Variants in ZFPM2 observed in about 807,000 individuals in gnomAD.
ZFPM2 encodes the protein zinc finger protein, FOG family member 2, also known as zinc finger protein ZFPM2.
ZFPM2 carries 20 observed loss-of-function variants against 98.6 expected under a neutral mutation model. That is an observed-to-expected ratio of 0.20 (90% CI 0.14 to 0.29). The LOEUF (loss-of-function observed/expected upper bound fraction) is 0.29, where lower values mean the gene tolerates loss of function less well. ZFPM2 is among the 10% of genes least tolerant of loss of function. ZFPM2 has a pLI of 1.00. For synonymous variants in ZFPM2, 518 were observed against 502.7 expected, an observed-to-expected ratio of 1.03 and a Z score of -0.41; for missense variants, 1,310 against 1,388.6, an observed-to-expected ratio of 0.94 and a Z score of 0.90.
intron 5 of ZFPM2, among the ~76,000 whole-genome samples, chr8:105,689,632 A>C (rs1414463262): frequency 6.6e-6 from 1 of 152,196 alleles, no homozygotes; most frequent in Non-Finnish European, 1.5e-5. Flanking sequence ...GACATGATTA[A>C]GTTGGTGGTG....
chr8:105,584,300 T>C (rs1053060422), intron 4 of ZFPM2, among the ~76,000 whole-genome samples: 7 of 152,128 alleles, frequency 4.6e-5, no homozygotes, highest in Admixed American at 1.3e-4. Flanking sequence ...TTCTAAAGTT[T>C]CTAAAATTAC....
chr8:105,789,603 A>G (rs1813535440), intron 6 of ZFPM2, among the ~76,000 whole-genome samples: 2 of 150,726 alleles, frequency 1.3e-5, no homozygotes, highest in Admixed American at 1.3e-4. Flanking sequence ...TATACCCAGT[A>G]ATGGGATGGC....
At chr8:105,502,208 AG>A (rs1188725691) in intron 3 of ZFPM2, among the ~76,000 whole-genome samples, 1 of 126,310 alleles carries the variant, frequency 7.9e-6, no homozygotes, top group African/African-American at 4.0e-5. Context: ...TTTGAGGATA[AG>A]TTTTTTTTAA....
intron 1 of ZFPM2, among the ~76,000 whole-genome samples, chr8:105,415,732 T>C (rs1811668224): frequency 6.6e-6 from 1 of 152,096 alleles, no homozygotes; most frequent in African/African-American, 2.4e-5. Context: ...TGAGATCTGA[T>C]CTTAAACCAT....
At chr8:105,621,669 C>CT (rs1208887709) in intron 4 of ZFPM2, among the ~76,000 whole-genome samples, 1 of 152,108 alleles carries the variant, frequency 6.6e-6, no homozygotes, top group African/African-American at 2.4e-5. Flanking sequence ...TATTGACAAT[C>CT]TATGTATATG....
At chr8:105,611,128 T>C (rs1816300325) in intron 4 of ZFPM2, among the ~76,000 whole-genome samples, 1 of 152,182 alleles carries the variant, frequency 6.6e-6, no homozygotes, top group Non-Finnish European at 1.5e-5. Flanking sequence ...TGACTTACTT[T>C]TGCTTATTAT....
chr8:105,504,569 T>G (rs951406884), intron 3 of ZFPM2, among the ~76,000 whole-genome samples: 5 of 152,124 alleles, frequency 3.3e-5, no homozygotes, highest in African/African-American at 1.2e-4. Context: ...GATTTTCAGT[T>G]CCTAGCCTGC....
intron 3 of ZFPM2, among the ~76,000 whole-genome samples, chr8:105,464,011 T>G (rs1214880580): frequency 6.6e-6 from 1 of 152,052 alleles, no homozygotes; most frequent in Non-Finnish European, 1.5e-5. Flanking sequence ...TCTGTTCCCT[T>G]TGTTTCTTCT....
At chr8:105,423,859 C>T (rs561074493) in intron 2 of ZFPM2, among the ~76,000 whole-genome samples, 1 of 152,114 alleles carries the variant, frequency 6.6e-6, no homozygotes, top group Non-Finnish European at 1.5e-5. Context: ...TGGCGTGGAG[C>T]AGTTCTAATT....
At chr8:105,345,181 G>A (rs1812496741) in intron 1 of ZFPM2, among the ~76,000 whole-genome samples, 1 of 152,070 alleles carries the variant, frequency 6.6e-6, no homozygotes, top group Non-Finnish European at 1.5e-5. Context: ...CAAATCCGGT[G>A]AAGCCAGCTG....
rs1174450439 is a variant in ZFPM2, at chr8:105,802,691, T to C, written c.2609T>C (p.Leu870Pro). 1.2e-6 allele frequency: 2 copies of C among 1,611,444 alleles called. No individual in the cohort carries two copies. Among genetic ancestry groups the C allele is most frequent in the Non-Finnish European group, 1.7e-6 (2 of 1,178,872 alleles). ...KISFNKVENY[L>P]AHKQNFCPVT... is the part of the protein sequence containing the mutation. ...AGTTTCAATAAGGTAGAAAACTATC[T>C]GGCCCACAAGCAGAATTTCTGCCCG... The change falls in exon 8 of 8, where the codon CTG becomes CCG. Residue 870 changes from leucine to proline, a missense_variant. Physicochemically the swap from Leu to Pro is moderately conservative, Grantham distance 98 (BLOSUM62 -3). Coordinates refer to ENST00000407775, the MANE Select transcript of ZFPM2 (RefSeq NM_012082.4).
intron 5 of ZFPM2, among the ~76,000 whole-genome samples, chr8:105,777,158 C>A (rs1245862445): frequency 6.6e-6 from 1 of 152,166 alleles, no homozygotes. Flanking sequence ...CGAACTCCAG[C>A]ATTCAGCACA....
At chr8:105,463,336 G>C (rs1285538628) in intron 3 of ZFPM2, among the ~76,000 whole-genome samples, 1 of 151,124 alleles carries the variant, frequency 6.6e-6, no homozygotes, top group African/African-American at 2.4e-5. Flanking sequence ...GTTTTTATAA[G>C]CTATATATGT....
At chr8:105,757,279 A>C (rs1387945134) in intron 5 of ZFPM2, among the ~76,000 whole-genome samples, 1 of 152,186 alleles carries the variant, frequency 6.6e-6, no homozygotes, top group Non-Finnish European at 1.5e-5. Flanking sequence ...TATTAGACTC[A>C]CAAGTTGAAG....
At chr8:105,754,047 A>G (rs918479127) in intron 5 of ZFPM2, among the ~76,000 whole-genome samples, 2 of 152,160 alleles carry the variant, frequency 1.3e-5, no homozygotes, top group African/African-American at 4.8e-5. Context: ...TAATTACAAA[A>G]ATAAATGTAG....
chr8:105,572,715 G>A (rs1018280161), intron 4 of ZFPM2, among the ~76,000 whole-genome samples: 5 of 150,648 alleles, frequency 3.3e-5, no homozygotes, highest in South Asian at 2.1e-4. Context: ...GGTGATCTGC[G>A]TGCCTTGGCC....
Position 105,557,850 on chromosome 8 carries a change from T to G in ZFPM2, c.302-3513T>G, listed in dbSNP as rs1252472932. Among the ~76,000 whole-genome samples, 7 of 152,186 alleles carry G rather than the reference T, an allele frequency of 4.6e-5. No individual in the cohort carries two copies. The East Asian group carries it at 1.3e-3, about 29-fold the overall frequency. ...TCCTCTGATAAAGTGGTTCGGGGAC[T>G]TAAGTCTGTGACCCACCAGCCCAGT... On this transcript the variant is annotated intron_variant, in intron 3 of 7. Transcript: ENST00000407775.
intron 5 of ZFPM2, among the ~76,000 whole-genome samples, chr8:105,709,173 ATTC>A (rs1251176617): frequency 3.9e-5 from 6 of 152,186 alleles, no homozygotes; most frequent in African/African-American, 1.4e-4. Flanking sequence ...CTGGAGTATT[ATTC>A]CTAAGGAGAC....
chr8:105,493,244 T>C (rs760944681), intron 3 of ZFPM2, among the ~76,000 whole-genome samples: 21 of 152,200 alleles, frequency 1.4e-4, no homozygotes, highest in Non-Finnish European at 2.8e-4. Context: ...CTTCTGTTTC[T>C]TTCAGCACCC....
Sources: gnomAD v4.1 joint callset for allele counts (sites outside exome capture counted in the v4.1 genomes callset) on GRCh38, gnomAD v4.1.1 for gene constraint, MANE v1.5 for transcripts, NCBI Gene and HGNC (gene_info 2026-07-23, HGNC 2026-07-21) for gene names.